ATP11B: variants seen among roughly 807,000 people sequenced by gnomAD.
ATP11B encodes ATPase phospholipid transporting 11B (putative).
Under a neutral mutation model 157.8 loss-of-function variants are expected in ATP11B, and 81 were observed. That is an observed-to-expected ratio of 0.51 (90% CI 0.43 to 0.62). The LOEUF (loss-of-function observed/expected upper bound fraction) is 0.62. Ranked by LOEUF, ATP11B falls within the 20% of genes least tolerant of loss-of-function variation. The probability of loss-of-function intolerance (pLI) is 0.00; values close to 1 mark genes in which losing one functional copy is unlikely to be tolerated. For synonymous variants in ATP11B, 451 were observed against 469.4 expected (o/e 0.96, Z 0.51); for missense variants, 1,165 against 1,402.2 (o/e 0.83, Z 2.70).
intron 11 of ATP11B, among the ~76,000 whole-genome samples, chr3:182,858,746 G>A (rs983394282): frequency 6.6e-6 from 1 of 151,990 alleles, no homozygotes; most frequent in African/African-American, 2.4e-5. Context: ...TTTTAACCTC[G>A]CAGTTATTTT....
At chr3:182,800,428 AT>A (rs1715923466) in intron 1 of ATP11B, among the ~76,000 whole-genome samples, 1 of 151,088 alleles carries the variant, frequency 6.6e-6, no homozygotes, top group East Asian at 2.0e-4. Context: ...GGGTCTCACT[AT>A]GTTTCCCAGG....
intron 1 of ATP11B, among the ~76,000 whole-genome samples, chr3:182,794,753 G>A (rs1715494232): frequency 6.6e-6 from 1 of 152,160 alleles, no homozygotes; most frequent in Non-Finnish European, 1.5e-5. Context: ...GACAGAAATT[G>A]CCCCTGGCTG....
chr3:182,824,730 A>G (rs1218500192), intron 2 of ATP11B, among the ~76,000 whole-genome samples: 1 of 152,210 alleles, frequency 6.6e-6, no homozygotes, highest in African/African-American at 2.4e-5. Context: ...TTAAATGTTT[A>G]CGGTAAATGA....
chr3:182,867,523 C>T, intron 15 of ATP11B, 79 bp downstream of exon 15: 1 of 886,306 alleles, frequency 1.1e-6, no homozygotes, highest in Non-Finnish European at 1.8e-6. Flanking sequence ...AACTGTAGCT[C>T]ACAGGGCAAA....
chr3:182,869,593 A>G (rs1310989592), intron 17 of ATP11B, among the ~76,000 whole-genome samples: 1 of 152,234 alleles, frequency 6.6e-6, no homozygotes, highest in African/African-American at 2.4e-5. Flanking sequence ...TGTTTATTAA[A>G]CAAACATAGG....
chr3:182,805,901 T>G (rs1206556237), intron 1 of ATP11B, among the ~76,000 whole-genome samples: 1 of 152,226 alleles, frequency 6.6e-6, no homozygotes, highest in Non-Finnish European at 1.5e-5. Context: ...GTAGTCCTAC[T>G]TCTTTTTAAA....
intron 25 of ATP11B, 108 bp from the exon 26 acceptor site, chr3:182,896,592 C>G (rs906585403): frequency 4.5e-6 from 4 of 888,128 alleles, no homozygotes; most frequent in Admixed American, 1.9e-5. Context: ...TTCAAATGTA[C>G]CTGACTTAAA....
intron 29 of ATP11B, chr3:182,915,262 GGT>G: frequency 2.0e-6 from 2 of 985,270 alleles, no homozygotes; most frequent in Non-Finnish European, 2.4e-6. Flanking sequence ...TAATGTCTGT[GGT>G]TTCAATCCCC....
At chr3:182,897,702 A>G (rs962929099) in intron 27 of ATP11B, among the ~76,000 whole-genome samples, 4 of 152,050 alleles carry the variant, frequency 2.6e-5, no homozygotes, top group African/African-American at 9.7e-5. Flanking sequence ...CAAAGCCAAG[A>G]TTTAAACCCC....
intron 4 of ATP11B, among the ~76,000 whole-genome samples, chr3:182,830,236 A>G (rs1453901252): frequency 6.6e-6 from 1 of 151,584 alleles, no homozygotes; most frequent in Admixed American, 6.6e-5. Context: ...GGTGGGAGGA[A>G]CGCTTGAGCC....
At chr3:182,914,508 CTCT>C in intron 29 of ATP11B, 3 of 985,382 alleles carry the variant, frequency 3.0e-6, no homozygotes, top group Non-Finnish European at 3.6e-6. Context: ...GCTCCCCTAC[CTCT>C]TCTTATGTCT....
intron 19 of ATP11B, among the ~76,000 whole-genome samples, chr3:182,876,148 CAA>C (rs1336212796): frequency 6.6e-6 from 1 of 152,050 alleles, no homozygotes; most frequent in Non-Finnish European, 1.5e-5. Context: ...AAAGCTGAGA[CAA>C]GAGGATCACT....
intron 24 of ATP11B, among the ~76,000 whole-genome samples, chr3:182,889,036 T>C (rs550990487): frequency 6.6e-6 from 1 of 152,000 alleles, no homozygotes; most frequent in East Asian, 1.9e-4. Context: ...CTAATTTTTA[T>C]ATTTTTAGTA....
intron 12 of ATP11B, among the ~76,000 whole-genome samples, chr3:182,863,208 C>G (rs1191894159): frequency 6.6e-6 from 1 of 152,028 alleles, no homozygotes; most frequent in African/African-American, 2.4e-5. Context: ...CTGGCCAATC[C>G]ATTTATTTTT....
At chr3:182,844,127 A>G (rs2108517877) in intron 8 of ATP11B, 1 of 152,340 alleles carries the variant, frequency 6.6e-6, no homozygotes, top group African/African-American at 2.4e-5. Context: ...GACCAAACTG[A>G]TGAATTATCT....
chr3:182,869,315 T>C lies in ATP11B; in HGVS notation c.1850T>C (p.Val617Ala). The C allele has an allele frequency of 6.2e-7, 1 of 1,602,112 alleles. No individual in the cohort carries two copies. Among genetic ancestry groups the C allele is most frequent in the Non-Finnish European group, 8.5e-7 (1 of 1,174,102 alleles). ...GAAATAGAAAAAACCAGAATTCATG[T>C]AGATGAATTTGCTTTGGTGAGTGCA... Reference protein sequence around the residue: ...GGEIEKTRIHVDEFALKGLRT... With the variant: ...GGEIEKTRIHADEFALKGLRT... Residue 617 changes from valine (V) to alanine (A), a missense_variant, in exon 17 of 30, where the codon GTA (valine) becomes GCA (alanine). Val to Ala is a moderately conservative substitution (Grantham distance 64, BLOSUM62 0). Coordinates refer to ENST00000323116, the MANE Select transcript of ATP11B (RefSeq NM_014616.3).
chr3:182,829,112 C>T (rs547919495), intron 3 of ATP11B, among the ~76,000 whole-genome samples: 2 of 152,260 alleles, frequency 1.3e-5, no homozygotes, highest in African/African-American at 4.8e-5. Context: ...GAAATGTATG[C>T]TAACCATATC....
intron 9 of ATP11B, 22 bp from the exon 10 acceptor site, chr3:182,848,454 A>G: frequency 7.3e-7 from 1 of 1,370,900 alleles, no homozygotes. Flanking sequence ...ATTTTAAGAG[A>G]CAATTTTGTT....
intron 10 of ATP11B, among the ~76,000 whole-genome samples, chr3:182,850,558 A>G (rs1206259576): frequency 6.6e-6 from 1 of 152,212 alleles, no homozygotes; most frequent in African/African-American, 2.4e-5. Flanking sequence ...TATTAAAAAG[A>G]CAAAAAATAA....
Sources: allele counts gnomAD v4.1 joint callset (sites outside exome capture counted in the v4.1 genomes callset), GRCh38; gene constraint gnomAD v4.1.1; transcripts MANE v1.5; gene names NCBI Gene and HGNC (gene_info 2026-07-23, HGNC 2026-07-21).